The following GON4L variants were observed in gnomAD, a reference collection of about 807,000 sequenced individuals.
GON4L encodes the protein gon-4 like, also known as GON-4-like protein.
In GON4L, 87 loss-of-function variants were observed where a neutral mutation model predicts 211.8. The ratio of observed to expected loss-of-function variants is 0.41; its 90% CI spans 0.35 to 0.49. The LOEUF is 0.49. Ranked by LOEUF, GON4L falls within the 20% of genes least tolerant of loss-of-function variation. The pLI is 0.15. For missense variants in GON4L, 2,155 were observed against 2,659.5 expected (o/e 0.81, Z 4.17); for synonymous variants, 875 against 962.6 (o/e 0.91, Z 1.68).
chr1:155,856,476 T>C (rs1197732922), intron 1 of GON4L, among the ~76,000 whole-genome samples: 1 of 151,450 alleles, frequency 6.6e-6, no homozygotes, highest in African/African-American at 2.4e-5. Flanking sequence ...CCTCAAGCGA[T>C]CCTCCCGCCC....
intron 2 of GON4L, among the ~76,000 whole-genome samples, chr1:155,840,537 G>A (rs1205072772): frequency 6.6e-6 from 1 of 152,114 alleles, no homozygotes; most frequent in Non-Finnish European, 1.5e-5. Context: ...GACAGGTTGT[G>A]GACTCCAGCA....
intron 2 of GON4L, among the ~76,000 whole-genome samples, chr1:155,848,409 T>C (rs1047182639): frequency 2.0e-5 from 3 of 152,234 alleles, no homozygotes; most frequent in African/African-American, 7.2e-5. Context: ...GTGTACCCAT[T>C]CTTCTCTACC....
intron 29 of GON4L, 72 bp from the exon 30 acceptor site, chr1:155,752,662 G>A: frequency 6.5e-7 from 1 of 1,544,004 alleles, no homozygotes; most frequent in Non-Finnish European, 8.8e-7. Context: ...AATTACCTGT[G>A]GCCAGGTACT....
chr1:155,816,325 C>G lies in GON4L; in HGVS notation c.1015-63G>C, dbSNP rs929534732. On this transcript the variant is annotated intron_variant, in intron 6 of 31. Transcript: ENST00000368331. ...CTGAAATAATTGTTTTTCATGTTTA[C>G]TTCCTCTGTACCATCACTAACAGCC... is the stretch of plus-strand genomic sequence containing the variant. The G allele has an allele frequency of 7.4e-6, 6 of 806,316 alleles. No individual in the cohort carries two copies. In the Admixed American group the frequency reaches 1.2e-4, roughly 16 times the overall value. 49.9% of individuals were successfully genotyped at this position (806,316 alleles called of 1,614,324 possible).
At chr1:155,791,431 G>A (rs1430433021) in intron 12 of GON4L, among the ~76,000 whole-genome samples, 4 of 151,486 alleles carry the variant, frequency 2.6e-5, no homozygotes, top group African/African-American at 9.7e-5. Flanking sequence ...GGACACCAAG[G>A]CTTTGGAGAA....
chr1:155,754,534 T>G (rs747701864), intron 27 of GON4L, 46 bp from the exon 28 acceptor site: 18 of 1,180,854 alleles, frequency 1.5e-5, no homozygotes, highest in Admixed American at 1.1e-4. Context: ...GTTTTTTTTT[T>G]TTTTTTTTTT....
intron 27 of GON4L, 166 bp downstream of exon 27, chr1:155,756,792 G>A (rs1661236549): frequency 3.4e-6 from 2 of 592,710 alleles, no homozygotes; most frequent in East Asian, 2.9e-5. Context: ...GGGCGTGGTG[G>A]CTGGCGCCTG....
At chr1:155,823,973 T>C (rs927814025) in intron 3 of GON4L, among the ~76,000 whole-genome samples, 7 of 152,126 alleles carry the variant, frequency 4.6e-5, no homozygotes, top group Non-Finnish European at 8.8e-5. Context: ...ATAAAAAATT[T>C]AGTATTTCAA....
intron 19 of GON4L, among the ~76,000 whole-genome samples, chr1:155,769,896 G>A (rs953312498): frequency 6.6e-6 from 1 of 151,868 alleles, no homozygotes; most frequent in Non-Finnish European, 1.5e-5. Context: ...TTGGCTTATG[G>A]TTAATGGTTA....
At position 155,756,976 on chromosome 1, in the gene GON4L, C is replaced by G. The variant is rs1036848481; in HGVS notation, c.5499G>C (p.Gly1833=). 15 of 1,612,754 alleles carry G rather than the reference C, an allele frequency of 9.3e-6. No individual in the cohort carries two copies. In the Admixed American group the frequency reaches 1.0e-4, roughly 11 times the overall value. ...AAAATACCTTATCATGATTTTGGAC[C>G]CCGATCTCTTTTTTCCTCTTGTTCT... ...ASKNKRKKEI[G]VQNHDKETEW... Residue 1833 remains glycine (G), a synonymous_variant, in exon 27 of 32, where the codon GGG becomes GGC. Transcript: ENST00000368331.
At chr1:155,745,864 G>A, downstream of GON4L, 3 of 893,100 alleles carry the variant, frequency 3.4e-6, no homozygotes, top group Non-Finnish European at 5.1e-6. Context: ...TCACACTGCA[G>A]TTGGGACATT....
intron 17 of GON4L, among the ~76,000 whole-genome samples, chr1:155,773,749 C>T (rs1571693555): frequency 6.6e-6 from 1 of 152,092 alleles, no homozygotes; most frequent in Non-Finnish European, 1.5e-5. Context: ...TTTCTCTCTC[C>T]CTCTCTCAGC....
At chr1:155,828,434 T>C (rs1451288963) in intron 2 of GON4L, among the ~76,000 whole-genome samples, 1 of 150,848 alleles carries the variant, frequency 6.6e-6, no homozygotes, top group East Asian at 1.9e-4. Flanking sequence ...GAGGTTGCAG[T>C]GAGCCAAGAT....
At chr1:155,784,452 C>G (rs1445737742) in intron 13 of GON4L, 3 of 211,492 alleles carry the variant, frequency 1.4e-5, no homozygotes, top group Non-Finnish European at 2.6e-5. Context: ...GTGGCACAAT[C>G]TGGGCTTACT....
chr1:155,844,028 T>C (rs911958648), intron 2 of GON4L, among the ~76,000 whole-genome samples: 2 of 152,166 alleles, frequency 1.3e-5, no homozygotes, highest in African/African-American at 4.8e-5. Context: ...CATTATCCCT[T>C]CAGGGGGTAT....
chr1:155,754,987 A>G (rs1661023083), intron 27 of GON4L, among the ~76,000 whole-genome samples: 1 of 148,206 alleles, frequency 6.7e-6, no homozygotes, highest in Non-Finnish European at 1.5e-5. Context: ...GCTCACTGCA[A>G]CCTCTGCCTC....
rs1217857049 is a variant in GON4L, at chr1:155,752,001, G to A, written c.6432C>T (p.Ser2144=). 2 of 1,612,898 alleles carry A rather than the reference G, an allele frequency of 1.2e-6. No individual in the cohort carries two copies. Among genetic ancestry groups the A allele is most frequent in the Non-Finnish European group, 1.7e-6 (2 of 1,179,026 alleles). Residue 2144 remains serine (S), a synonymous_variant, in exon 30 of 32, where the codon AGC becomes AGT. Coordinates refer to ENST00000368331, the MANE Select transcript of GON4L (RefSeq NM_001282860.2). ...CCTTTTCCCCAGTGGAGCTGACCTT[G>A]CTGTTGTTGGCACACACCGTAGCTT... ...AAEATVCANN[S]KVSSTGEKVV...
rs1489727928 is a variant in GON4L, at chr1:155,752,510, G to C, written c.5923C>G (p.Pro1975Ala). The C allele has an allele frequency of 6.3e-7, 1 of 1,592,856 alleles. No individual in the cohort carries two copies. Among genetic ancestry groups the C allele is most frequent in the South Asian group, 1.1e-5 (1 of 88,460 alleles). ...TERLLLDGPP[P>A]HSPETPQFPP... ...AATTGAGGAGTCTCTGGTGAATGAG[G>C]TGGTGGGCCATCCAGGAGGAGCCGT... Residue 1975 changes from proline to alanine, a missense_variant, in exon 30 of 32, where the codon CCT (proline) becomes GCT (alanine). Transcript: ENST00000368331.
intron 3 of GON4L, among the ~76,000 whole-genome samples, chr1:155,824,676 G>A (rs1235101672): frequency 1.4e-5 from 2 of 148,116 alleles, no homozygotes; most frequent in East Asian, 2.0e-4. Context: ...CCTGGGAGGC[G>A]GAGGTTGCAG....
Sources: gnomAD v4.1 joint callset for allele counts (sites outside exome capture counted in the v4.1 genomes callset) on GRCh38, gnomAD v4.1.1 for gene constraint, MANE v1.5 for transcripts, NCBI Gene and HGNC (gene_info 2026-07-23, HGNC 2026-07-21) for gene names.